Variants in SCUBE1 observed in about 807,000 individuals in gnomAD.
SCUBE1 encodes signal peptide, CUB and EGF-like domain-containing protein 1.
SCUBE1 carries 59 observed loss-of-function variants against 124.4 expected under a neutral mutation model. The ratio of observed to expected loss-of-function variants is 0.47; its 90% CI spans 0.38 to 0.59. The LOEUF is 0.59. Among genes scored for constraint, SCUBE1 ranks in the 20% least tolerant of loss-of-function variants. The pLI is 0.00. For missense variants in SCUBE1, 1,150 were observed against 1,371.2 expected (o/e 0.84, Z 2.55); for synonymous variants, 545 against 550.9 (o/e 0.99, Z 0.15).
intron 15 of SCUBE1, among the ~76,000 whole-genome samples, chr22:43,215,058 T>C (rs1319955477): frequency 6.6e-6 from 1 of 152,182 alleles, no homozygotes; most frequent in Non-Finnish European, 1.5e-5. Context: ...TGAGAGGGCC[T>C]AGAGGCAGTG....
Position 43,208,176 on chromosome 22 carries a change from C to T in SCUBE1, c.2630G>A (p.Arg877Lys), listed in dbSNP as rs1341658875. ...TTYETCQTYE[R>K]PIAFTSRSRK... ...GGAGCGGGAGGTGAAGGCGATGGGC[C>T]TCTCGTAGGTCTGGCAGGTCTCATA... The change falls in exon 20 of 22, where the codon AGG becomes AAG. Residue 877 changes from arginine to lysine, a missense_variant. Coordinates refer to ENST00000360835, the MANE Select transcript of SCUBE1 (RefSeq NM_173050.5). 1 of 1,614,080 alleles carries T rather than the reference C, an allele frequency of 6.2e-7. No homozygotes were observed. Among genetic ancestry groups the T allele is most frequent in the Admixed American group, 1.7e-5 (1 of 60,024 alleles).
rs57596119 is a variant in SCUBE1, at chr22:43,204,423, C to G, written c.2815-274G>C. On this transcript the variant is annotated intron_variant, in intron 21 of 21. Coordinates refer to ENST00000360835, the MANE Select transcript of SCUBE1 (RefSeq NM_173050.5). ...AGGTGATTCTGCTGCCTCAGCCTCT[C>G]GAGTAGCTGGGATTATAGGCATGCA... 0.059 allele frequency among the ~76,000 whole-genome samples: 8,921 copies of G among 151,918 alleles called. 389 individuals carry two copies. Among genetic ancestry groups the G allele is most frequent in the South Asian group, 0.18 (872 of 4,792 alleles).
chr22:43,266,015 T>G (rs943444075), intron 4 of SCUBE1, among the ~76,000 whole-genome samples: 5 of 152,010 alleles, frequency 3.3e-5, no homozygotes, highest in Admixed American at 6.5e-5. Context: ...GCAGAAGAAT[T>G]GCTTGAACTC....
At chr22:43,265,449 A>G (rs1185946631) in intron 4 of SCUBE1, among the ~76,000 whole-genome samples, 1 of 152,200 alleles carries the variant, frequency 6.6e-6, no homozygotes, top group East Asian at 1.9e-4. Context: ...TTACCTCTCA[A>G]CAACTTGGGG....
rs138385039 is a variant in SCUBE1 at position 43,265,759 on chromosome 22, A to T, written c.485-2914T>A. ...TCGAGACTGGCTAGATACTACAGAGAGAAATTTACATTTACTTATTAACTT... is the reference window on the plus strand; with the variant it reads ...TCGAGACTGGCTAGATACTACAGAGTGAAATTTACATTTACTTATTAACTT... On this transcript the variant is annotated intron_variant, in intron 4 of 21. Coordinates refer to ENST00000360835, the MANE Select transcript of SCUBE1 (RefSeq NM_173050.5). 2.7e-3 allele frequency among the ~76,000 whole-genome samples: 408 copies of T among 152,354 alleles called. 1 individual carries two copies. The highest frequency in any genetic ancestry group is 9.3e-3 in the African/African-American group (387 of 41,580).
chr22:43,247,560 A>AGCTGGGAGCT (rs138460924), intron 6 of SCUBE1, among the ~76,000 whole-genome samples: 69 of 152,308 alleles, frequency 4.5e-4, no homozygotes, highest in East Asian at 5.8e-4. Context: ...CGCCTCAGGA[A>AGCTGGGAGCT]GCTGGGAGCT....
At position 43,288,767 on chromosome 22, in the gene SCUBE1, C is replaced by T. The variant is rs142998916; in HGVS notation, c.484+2279G>A. The stretch of plus-strand genomic sequence containing the variant: ...CTTCCCTAACTTCGCTGGGCTTCGC[C>T]TTCCTCAGCGTCACAACCCAGCCTC... On this transcript the variant is annotated intron_variant, in intron 4 of 21. Transcript: ENST00000360835. Among the ~76,000 whole-genome samples the T allele has an allele frequency of 2.0e-3, 309 of 152,350 alleles. 1 individual carries two copies. The highest frequency in any genetic ancestry group is 5.2e-3 in the East Asian group (27 of 5,184).
chr22:43,304,023 A>G (rs1215107435), intron 3 of SCUBE1, among the ~76,000 whole-genome samples: 1 of 151,756 alleles, frequency 6.6e-6, no homozygotes, highest in Non-Finnish European at 1.5e-5. Context: ...TTGTTAATAA[A>G]CTCCCCCGTG....
chr22:43,339,337 G>T (rs1423278842), intron 1 of SCUBE1, 102 bp from the exon 2 acceptor site: 2 of 1,168,716 alleles, frequency 1.7e-6, no homozygotes, highest in South Asian at 2.9e-5. Context: ...CCCGTCCATT[G>T]ATCGGTGGGC....
chr22:43,270,263 T>C (rs1427087512), intron 4 of SCUBE1: 2 of 152,266 alleles, frequency 1.3e-5, no homozygotes, highest in African/African-American at 4.8e-5. Context: ...CACAAGCTAC[T>C]TCATTATGTA....
intron 4 of SCUBE1, among the ~76,000 whole-genome samples, chr22:43,263,210 G>A (rs966861103): frequency 6.6e-6 from 1 of 152,050 alleles, no homozygotes; most frequent in African/African-American, 2.4e-5. Context: ...CCCCTCTCCC[G>A]AGCCACCCAT....
At position 43,255,481 on chromosome 22, in the gene SCUBE1, G is replaced by T; in HGVS notation, c.727+2738C>A. On this transcript the variant is annotated intron_variant, in intron 6 of 21. Transcript: ENST00000360835. This position sits in a 1 kb window ranked among gnomAD's most constrained non-coding sequence, Gnocchi z 4.7. ...GTACGACAAAGGAAGTGGAAGAAAA[G>T]TGTTACCCATGAGTAGCCGCCGTTT... 6.5e-7 allele frequency: 1 copy of T among 1,549,842 alleles called. No individual in the cohort carries two copies. Among genetic ancestry groups the T allele is most frequent in the African/African-American group, 1.4e-5 (1 of 73,146 alleles).
At chr22:43,250,231 G>A (rs1601828710) in intron 6 of SCUBE1, among the ~76,000 whole-genome samples, 1 of 152,256 alleles carries the variant, frequency 6.6e-6, no homozygotes, top group African/African-American at 2.4e-5. Context: ...TGGACGCCTG[G>A]GGGCTCCTGC....
chr22:43,208,219 G>C lies in SCUBE1; in HGVS notation c.2587C>G (p.Pro863Ala), dbSNP rs1160887564. Residue 863 changes from proline (P) to alanine (A), a missense_variant, in exon 20 of 22, where the codon CCC becomes GCC. This residue lies in a region of SCUBE1 where 757 missense variants were observed against 840.9 expected (regional missense o/e 0.90). Coordinates refer to ENST00000360835, the MANE Select transcript of SCUBE1 (RefSeq NM_173050.5). ...DVLVMRKSASPTSITTYETCQ... is the reference protein window; with the variant it reads ...DVLVMRKSASATSITTYETCQ... ...GTCTCATAGGTGGTGATGGACGTGG[G>C]AGAGGCTGCGGGTGAAGCATCATTG... 1.2e-5 allele frequency: 20 copies of C among 1,613,994 alleles called. No homozygotes were observed. Among genetic ancestry groups the C allele is most frequent in the Non-Finnish European group, 1.5e-5 (18 of 1,179,978 alleles).
At chr22:43,230,830 G>T (rs1922522069) in intron 8 of SCUBE1, among the ~76,000 whole-genome samples, 1 of 152,186 alleles carries the variant, frequency 6.6e-6, no homozygotes, top group South Asian at 2.1e-4. Context: ...GGACCTTGTG[G>T]GAGAACAGCC....
intron 2 of SCUBE1, among the ~76,000 whole-genome samples, chr22:43,327,711 C>T (rs5996313): frequency 0.053 from 8,061 of 152,080 alleles, 702 homozygotes; most frequent in African/African-American, 0.18. Context: ...CACTTGAACC[C>T]GGGAGGCGGA....
chr22:43,210,855 C>T lies in SCUBE1; in HGVS notation c.2383+67G>A. ...AGCTCGTGTGAGATCAGGTCTCCTC[C>T]CGCCCCCACAACCTGCCCAGCCCCT... On this transcript the variant is annotated intron_variant, in intron 18 of 21. Transcript: ENST00000360835. This position sits in a 1 kb window ranked among gnomAD's most constrained non-coding sequence, Gnocchi z 4.5. The T allele has an allele frequency of 6.3e-7, 1 of 1,579,726 alleles. No individual in the cohort carries two copies. The highest frequency in any genetic ancestry group is 1.1e-5 in the South Asian group (1 of 88,876).
chr22:43,243,699 G>T (rs919001363), intron 6 of SCUBE1, among the ~76,000 whole-genome samples: 3 of 152,232 alleles, frequency 2.0e-5, no homozygotes, highest in Admixed American at 6.5e-5. Context: ...CCACATGCCG[G>T]CTGTGTGACC....
In SCUBE1 at chr22:43,227,774, G is replaced by A. The variant is rs1021866804; in HGVS notation, c.1085-278C>T. On this transcript the variant is annotated intron_variant, in intron 9 of 21. Coordinates refer to ENST00000360835, the MANE Select transcript of SCUBE1 (RefSeq NM_173050.5). ...CTAGGGGGCAGAGGAGGTAGCACAC[G>A]ATTAAAGTTCCAACCCAACCAGGTT... Among the ~76,000 whole-genome samples, 5 of 152,212 alleles carry A rather than the reference G, an allele frequency of 3.3e-5. No homozygotes were observed. In the South Asian group the frequency reaches 6.2e-4, roughly 19 times the overall value.
Sources: allele counts gnomAD v4.1 joint callset (sites outside exome capture counted in the v4.1 genomes callset), GRCh38; gene constraint gnomAD v4.1.1; regional missense constraint gnomAD v4.1.1; non-coding constraint Gnocchi (gnomAD v3.1); transcripts MANE v1.5; gene names NCBI Gene and HGNC (gene_info 2026-07-23, HGNC 2026-07-21).